The following PLEKHM1 variants were observed in gnomAD, a reference collection of about 807,000 sequenced individuals.
PLEKHM1 encodes pleckstrin homology and RUN domain containing M1, also known as pleckstrin homology domain-containing family M member 1.
A neutral mutation model predicts 94.3 loss-of-function variants in PLEKHM1; 28 were observed. That is an observed-to-expected ratio of 0.30 (90% CI 0.22 to 0.41). The LOEUF is 0.41. PLEKHM1 is among the 10% of genes least tolerant of loss of function. PLEKHM1 has a pLI of 1.00. For missense variants in PLEKHM1, 907 were observed against 1,358.6 expected (o/e 0.67, Z 5.22); for synonymous variants, 424 against 581.2 (o/e 0.73, Z 3.89).
intron 5 of PLEKHM1, among the ~76,000 whole-genome samples, chr17:45,466,079 C>T (rs2684529): frequency 6.6e-6 from 1 of 152,150 alleles, no homozygotes; most frequent in Non-Finnish European, 1.5e-5. Context: ...TTTCAGGAAG[C>T]AAATCTTCAG....
intron 1 of PLEKHM1, among the ~76,000 whole-genome samples, chr17:45,489,601 A>G (rs960071309): frequency 6.6e-6 from 1 of 152,118 alleles, no homozygotes; most frequent in Non-Finnish European, 1.5e-5. Context: ...AGGAGACCAG[A>G]TGCCAGGAAA....
chr17:45,437,306 T>C lies in PLEKHM1; in HGVS notation c.*552A>G, dbSNP rs1239366898. 2.2e-6 allele frequency: 1 copy of C among 454,132 alleles called. No homozygotes were observed. The highest frequency in any genetic ancestry group is 4.4e-6 in the Non-Finnish European group (1 of 226,804). 28.1% of individuals were successfully genotyped at this position (454,132 alleles called of 1,614,324 possible). A position where few individuals can be genotyped will look rare whatever the true frequency, so the allele number is the denominator to read the frequency against. Reference sequence around the variant, plus strand: ...GCACTGGGTGGGCCCATAGACCCTGTCCCAGCAGTGGCCTGCCCACCAGCC... The same window carrying C: ...GCACTGGGTGGGCCCATAGACCCTGCCCCAGCAGTGGCCTGCCCACCAGCC... On this transcript the variant is annotated 3_prime_UTR_variant, in exon 12 of 12. Coordinates refer to ENST00000430334, the MANE Select transcript of PLEKHM1 (RefSeq NM_014798.3). This position sits in a 1 kb window ranked among gnomAD's most constrained non-coding sequence, Gnocchi z 4.0.
rs1567752848 is a variant in PLEKHM1 at position 45,435,949 on chromosome 17, G to A, written c.*1909C>T. On this transcript the variant is annotated 3_prime_UTR_variant, in exon 12 of 12. Transcript: ENST00000430334. ...TGCAAAATCATTCAAAACTCACACG[G>A]CAGCAATTCCTTCAATACATTGCAA... 4.4e-6 allele frequency: 2 copies of A among 456,436 alleles called. No homozygotes were observed. The allele number at this position is 456,436 out of a possible 1,614,324, so 28.3% of individuals were successfully genotyped here. A position where few individuals can be genotyped will look rare whatever the true frequency, so the allele number is the denominator to read the frequency against.
At chr17:45,439,438 G>C (rs904715793) in intron 11 of PLEKHM1, 39 bp downstream of exon 11, 2 of 1,612,152 alleles carry the variant, frequency 1.2e-6, no homozygotes, top group Admixed American at 3.3e-5. Context: ...TGTGGGGAAG[G>C]GTGGGGCTGG....
In PLEKHM1 at chr17:45,474,986, A is replaced by G. The variant is rs541433418; in HGVS notation, c.923+114T>C. ...TCGATGACTCCCTTGGCTTTCTTTA[A>G]TTACTAATAGAGTTCAGTAACAGAC... is the stretch of plus-strand genomic sequence containing the variant. On this transcript the variant is annotated intron_variant, in intron 4 of 11. Transcript: ENST00000430334. The G allele has an allele frequency of 3.6e-6, 4 of 1,101,804 alleles. No individual in the cohort carries two copies. The Admixed American group carries it at 5.9e-5, about 16-fold the overall frequency. The allele number at this position is 1,101,804 out of a possible 1,614,324, so 68.3% of individuals were successfully genotyped here.
At position 45,444,255 on chromosome 17, in the gene PLEKHM1, A is replaced by T. The variant is rs565532868; in HGVS notation, c.2837+1215T>A. ...CCCAGCAGAGGTTGATTTGAAGCCC[A>T]TTCTGGGCAGTAGGCACCGGCAGGC... On this transcript the variant is annotated intron_variant, in intron 9 of 11. Coordinates refer to ENST00000430334, the MANE Select transcript of PLEKHM1 (RefSeq NM_014798.3). The surrounding 1 kb of genome is among the most constrained non-coding windows in gnomAD (Gnocchi z 5.0). 6.6e-6 allele frequency among the ~76,000 whole-genome samples: 1 copy of T among 152,216 alleles called. No homozygotes were observed.
intron 4 of PLEKHM1, among the ~76,000 whole-genome samples, chr17:45,469,033 G>T (rs2051415213): frequency 6.7e-6 from 1 of 148,240 alleles, no homozygotes; most frequent in South Asian, 2.1e-4. Flanking sequence ...TCTGCCCTGG[G>T]GCAGGGACTA....
chr17:45,468,194 G>C lies in PLEKHM1; in HGVS notation c.1308+15C>G. On this transcript the variant is annotated intron_variant, in intron 5 of 11. Transcript: ENST00000430334. ...ATTTCCCAAGACTGCCCCCTGAACG[G>C]CTTGCACCACTCACCGGACTGGTGG... 1 of 1,612,812 alleles carries C rather than the reference G, an allele frequency of 6.2e-7. No individual in the cohort carries two copies. The highest frequency in any genetic ancestry group is 1.1e-5 in the South Asian group (1 of 90,984).
rs147190961 is a variant in PLEKHM1 at position 45,458,279 on chromosome 17, G to A, written c.1469C>T (p.Ser490Phe). The change falls in exon 6 of 12, where the codon TCC (serine) becomes TTC (phenylalanine). Residue 490 changes from serine (S) to phenylalanine (F), a missense_variant. Physicochemically the swap from Ser to Phe is radical, Grantham distance 155. Around this residue, in one of 3 missense-constraint regions of PLEKHM1, gnomAD observed 477 missense variants for 601.5 expected, o/e 0.79. Transcript: ENST00000430334. Reference sequence around the variant, plus strand: ...ACACGCTTGGTCTAACGCCCCCAGGGAGCAGTTTTTTCTTGGTTCTTGAGA... The same window carrying A: ...ACACGCTTGGTCTAACGCCCCCAGGAAGCAGTTTTTTCTTGGTTCTTGAGA... The part of the protein sequence containing the change: ...HFSQEPRKNC[S>F]LGALDQACVP... The A allele has an allele frequency of 1.2e-4, 198 of 1,611,772 alleles. No homozygotes were observed. In the African/African-American group the frequency reaches 2.3e-3, roughly 19 times the overall value.
rs62064655 is a variant in PLEKHM1 at position 45,437,588 on chromosome 17, G to A, written c.*270C>T. 0.14 allele frequency: 89,047 copies of A among 650,556 alleles called. 7,715 individuals carry two copies. The highest frequency in any genetic ancestry group is 0.2 in the Middle Eastern group (500 of 2,494). 40.3% of individuals were successfully genotyped at this position (650,556 alleles called of 1,614,324 possible). Reference sequence around the variant, plus strand: ...CCGGGACGCTGGTGAGCCAGGGCCTGGTGAGTAAACGGCCCTGCCTGCCCC... The same window carrying A: ...CCGGGACGCTGGTGAGCCAGGGCCTAGTGAGTAAACGGCCCTGCCTGCCCC... On this transcript the variant is annotated 3_prime_UTR_variant, in exon 12 of 12. Coordinates refer to ENST00000430334, the MANE Select transcript of PLEKHM1 (RefSeq NM_014798.3). The surrounding 1 kb of genome is among the most constrained non-coding windows in gnomAD (Gnocchi z 4.0).
At position 45,445,025 on chromosome 17, in the gene PLEKHM1, C is replaced by G. The variant is rs1321390900; in HGVS notation, c.2837+445G>C. ...GTCTTCCCTGCCAGGCCAGAGACTT[C>G]CGGCGGGTCGGCCCTGGCTCTGTCC... On this transcript the variant is annotated intron_variant, in intron 9 of 11. Coordinates refer to ENST00000430334, the MANE Select transcript of PLEKHM1 (RefSeq NM_014798.3). This position sits in a 1 kb window ranked among gnomAD's most constrained non-coding sequence, Gnocchi z 4.2. Among the ~76,000 whole-genome samples the G allele has an allele frequency of 6.6e-6, 1 of 152,256 alleles. No homozygotes were observed. The highest frequency in any genetic ancestry group is 2.4e-5 in the African/African-American group (1 of 41,470).
At chr17:45,456,551 G>A (rs1487583030) in intron 6 of PLEKHM1, among the ~76,000 whole-genome samples, 1 of 152,212 alleles carries the variant, frequency 6.6e-6, no homozygotes, top group East Asian at 1.9e-4. Flanking sequence ...AAACCTGATG[G>A]CCTAGACCTG....
chr17:45,489,490 GTC>G (rs1318513303), intron 1 of PLEKHM1, among the ~76,000 whole-genome samples: 3 of 152,170 alleles, frequency 2.0e-5, no homozygotes, highest in African/African-American at 7.2e-5. Context: ...GTGAGTGGCC[GTC>G]TCTCACCTTC....
rs1406313037 is a variant in PLEKHM1 at position 45,468,571 on chromosome 17, C to T, written c.946G>A (p.Ala316Thr). 1 of 1,614,194 alleles carries T rather than the reference C, an allele frequency of 6.2e-7. No individual in the cohort carries two copies. The highest frequency in any genetic ancestry group is 1.7e-5 in the Admixed American group (1 of 60,026). Residue 316 changes from alanine to threonine, a missense_variant, in exon 5 of 12, where the codon GCC (alanine) becomes ACC (threonine). Coordinates refer to ENST00000430334, the MANE Select transcript of PLEKHM1 (RefSeq NM_014798.3). Reference protein sequence around the residue: ...LQEVLLEFSKAQVNSVPTNGL... With the variant: ...LQEVLLEFSKTQVNSVPTNGL... ...TTGGTTGGCACAGAGTTTACCTGGG[C>T]TTTGCTGAATTCCAACAATACCCTA...
At chr17:45,473,605 C>T (rs2051592482) in intron 4 of PLEKHM1, among the ~76,000 whole-genome samples, 1 of 151,688 alleles carries the variant, frequency 6.6e-6, no homozygotes, top group South Asian at 2.1e-4. Flanking sequence ...GTCACCCAGG[C>T]TGGAGTGCAG....
chr17:45,440,083 C>G (rs769029100), intron 10 of PLEKHM1, 80 bp downstream of exon 10: 8 of 1,299,862 alleles, frequency 6.2e-6, no homozygotes, highest in Admixed American at 1.7e-5. Context: ...ACAGACACCC[C>G]CTCTTCCATC....
intron 1 of PLEKHM1, among the ~76,000 whole-genome samples, chr17:45,484,213 T>G (rs2052042129): frequency 6.6e-6 from 1 of 152,244 alleles, no homozygotes; most frequent in South Asian, 2.1e-4. Context: ...TAGTTTGGAA[T>G]GGCCCTGCAA....
intron 4 of PLEKHM1, among the ~76,000 whole-genome samples, chr17:45,469,172 C>T (rs1404191712): frequency 6.6e-6 from 1 of 152,158 alleles, no homozygotes; most frequent in African/African-American, 2.4e-5. Flanking sequence ...GACAGAGAAG[C>T]TTCACATCCC....
rs563412789 is a variant in PLEKHM1, at chr17:45,482,882, C to A, written c.-41-357G>T. On this transcript the variant is annotated intron_variant, in intron 1 of 11. Transcript: ENST00000430334. Reference sequence around the variant, plus strand: ...TGATTCAGATACGGAGCTGCAGGTTCGAGGGGGAGGCTGCAGCTGAAGGTG... The same window carrying A: ...TGATTCAGATACGGAGCTGCAGGTTAGAGGGGGAGGCTGCAGCTGAAGGTG... 4.4e-3 allele frequency among the ~76,000 whole-genome samples: 671 copies of A among 151,308 alleles called. 3 individuals are homozygous for A. Among genetic ancestry groups the A allele is most frequent in the African/African-American group, 0.016 (636 of 40,860 alleles).
Sources: allele counts gnomAD v4.1 joint callset (sites outside exome capture counted in the v4.1 genomes callset), GRCh38; gene constraint gnomAD v4.1.1; regional missense constraint gnomAD v4.1.1; non-coding constraint Gnocchi (gnomAD v3.1); transcripts MANE v1.5; gene names NCBI Gene and HGNC (gene_info 2026-07-23, HGNC 2026-07-21).